The following LYRM4 variants were observed in gnomAD, a reference collection of about 807,000 sequenced individuals.
The protein encoded by LYRM4 is LYR motif containing 4.
In LYRM4, 9 loss-of-function variants were observed where a neutral mutation model predicts 11.7. The ratio of observed to expected loss-of-function variants is 0.77; its 90% confidence interval spans 0.46 to 1.34. The LOEUF is 1.34. Among genes scored for constraint, LYRM4 ranks in the 40% most tolerant of loss-of-function variants. The pLI is 0.00. For missense variants in LYRM4, 133 were observed against 112.5 expected (o/e 1.18, Z -0.82); for synonymous variants, 42 against 40.4 (o/e 1.04, Z -0.15).
At chr6:5,225,432 T>A (rs1208040148) in intron 1 of LYRM4, among the ~76,000 whole-genome samples, 3 of 152,164 alleles carry the variant, frequency 2.0e-5, no homozygotes, top group Non-Finnish European at 4.4e-5. Flanking sequence ...TTAAAATCTC[T>A]ACGTGTACAT....
rs545723473 is a variant in LYRM4 at position 5,116,718 on chromosome 6, T to A, written c.208-7227A>T. On this transcript the variant is annotated intron_variant, in intron 2 of 2. Coordinates refer to ENST00000330636, the MANE Select transcript of LYRM4 (RefSeq NM_020408.6). ...TTTTATTCTATTAAGTTTAGGGAGTTGGCATTAGAGTCCATTGGAAAAGTA... is the reference window on the plus strand; with the variant it reads ...TTTTATTCTATTAAGTTTAGGGAGTAGGCATTAGAGTCCATTGGAAAAGTA... Among the ~76,000 whole-genome samples, 35 of 152,332 alleles carry A rather than the reference T, an allele frequency of 2.3e-4. No homozygotes were observed. The East Asian group carries it at 6.7e-3, about 29-fold the overall frequency.
intron 1 of LYRM4, among the ~76,000 whole-genome samples, chr6:5,250,706 A>G (rs553038052): frequency 1.7e-4 from 24 of 143,340 alleles, no homozygotes; most frequent in African/African-American, 5.7e-4. Flanking sequence ...AAATCCAGTA[A>G]TATAAATTCA....
the LYRM4 span, among the ~76,000 whole-genome samples, chr6:5,067,762 C>A: frequency 6.6e-6 from 1 of 152,090 alleles, no homozygotes; most frequent in African/African-American, 2.4e-5. Context: ...AAATCTTAAT[C>A]GTTTTTAAGC....
chr6:5,050,589 A>G, the LYRM4 span, among the ~76,000 whole-genome samples: 1,197 of 152,238 alleles, frequency 7.9e-3, 17 homozygotes, highest in African/African-American at 0.027. Context: ...AAGAACTAGG[A>G]CATCAACAAC....
chr6:5,260,847 G>C lies in LYRM4; in HGVS notation c.-114C>G, dbSNP rs1398785802. On this transcript the variant is annotated 5_prime_UTR_variant, in exon 1 of 3. Transcript: ENST00000330636. ...CGAACGAAATAAAATGCTGCGGCTC[G>C]GCTTTGCCAGCGGGCCGGGCCTAAG... is the stretch of plus-strand genomic sequence containing the variant. 2 of 1,499,824 alleles carry C rather than the reference G, an allele frequency of 1.3e-6. No individual in the cohort carries two copies. The highest frequency in any genetic ancestry group is 2.8e-5 in the African/African-American group (2 of 71,162). 92.9% of individuals were successfully genotyped at this position (1,499,824 alleles called of 1,614,324 possible).
At chr6:5,176,295 C>T (rs199996687) in intron 2 of LYRM4, among the ~76,000 whole-genome samples, 5 of 152,046 alleles carry the variant, frequency 3.3e-5, no homozygotes, top group Non-Finnish European at 7.4e-5. Flanking sequence ...GAACTCCTGA[C>T]CTCATGATCC....
At chr6:5,144,520 C>T (rs1757592772) in intron 2 of LYRM4, among the ~76,000 whole-genome samples, 1 of 149,936 alleles carries the variant, frequency 6.7e-6, no homozygotes, top group Admixed American at 6.7e-5. Context: ...GCCCGCAGTC[C>T]CAGCTACTTG....
intron 2 of LYRM4, among the ~76,000 whole-genome samples, chr6:5,188,851 CCTTTGGGG>C (rs1760577714): frequency 6.6e-6 from 1 of 152,162 alleles, no homozygotes; most frequent in Non-Finnish European, 1.5e-5. Flanking sequence ...GCAGCCTTGA[CCTTTGGGG>C]CTCAAGGAAT....
the LYRM4 span, among the ~76,000 whole-genome samples, chr6:5,040,344 GATAGATAGATACATACATACATAC>G: frequency 4.1e-3 from 597 of 144,590 alleles, 3 homozygotes; most frequent in African/African-American, 0.014. Flanking sequence ...TAGATAGATA[GATAGATAGATACATACATACATAC>G]ATACATACAT....
At chr6:5,095,067 G>A in the LYRM4 span, among the ~76,000 whole-genome samples, 8 of 152,048 alleles carry the variant, frequency 5.3e-5, no homozygotes, top group African/African-American at 1.9e-4. Context: ...ACATGTACAG[G>A]TATCAAAATA....
chr6:5,073,556 A>G, the LYRM4 span, among the ~76,000 whole-genome samples: 3 of 148,154 alleles, frequency 2.0e-5, no homozygotes, highest in Non-Finnish European at 4.5e-5. Flanking sequence ...GATTATAAAT[A>G]CTATATTATA....
intron 2 of LYRM4, among the ~76,000 whole-genome samples, chr6:5,160,465 T>C (rs777426684): frequency 1.3e-5 from 2 of 152,152 alleles, no homozygotes; most frequent in Non-Finnish European, 2.9e-5. Flanking sequence ...TTTTCCGTGC[T>C]GTTCTTGTGG....
At chr6:5,195,869 T>C (rs926191094) in intron 2 of LYRM4, among the ~76,000 whole-genome samples, 16 of 152,190 alleles carry the variant, frequency 1.1e-4, no homozygotes, top group African/African-American at 3.6e-4. Context: ...TATCTATCAC[T>C]GTATCCCCAG....
intron 2 of LYRM4, among the ~76,000 whole-genome samples, chr6:5,140,812 G>T (rs187594705): frequency 6.6e-6 from 1 of 152,270 alleles, no homozygotes; most frequent in East Asian, 1.9e-4. Context: ...GAGGTAACAC[G>T]AACTGAAACC....
chr6:5,065,003 C>T, the LYRM4 span, among the ~76,000 whole-genome samples: 1 of 152,068 alleles, frequency 6.6e-6, no homozygotes, highest in South Asian at 2.1e-4. Flanking sequence ...GTTTCACTGC[C>T]CTAAAACCTC....
the LYRM4 span, among the ~76,000 whole-genome samples, chr6:5,094,555 G>A: frequency 1.3e-5 from 2 of 152,236 alleles, no homozygotes; most frequent in African/African-American, 4.8e-5. Flanking sequence ...TATTAGGGAT[G>A]ACTAACAGAT....
At chr6:5,199,795 G>A (rs1309354788) in intron 2 of LYRM4, among the ~76,000 whole-genome samples, 1 of 152,122 alleles carries the variant, frequency 6.6e-6, no homozygotes, top group Non-Finnish European at 1.5e-5. Flanking sequence ...AGGACATTTG[G>A]CCCAGGGTAT....
the LYRM4 span, among the ~76,000 whole-genome samples, chr6:5,047,900 T>G: frequency 6.6e-6 from 1 of 152,102 alleles, no homozygotes; most frequent in African/African-American, 2.4e-5. Flanking sequence ...GTGCCCTGGG[T>G]GGGGGTTATG....
At chr6:5,183,270 G>C (rs911436774) in intron 2 of LYRM4, among the ~76,000 whole-genome samples, 3 of 152,150 alleles carry the variant, frequency 2.0e-5, no homozygotes, top group Admixed American at 6.5e-5. Flanking sequence ...CAAATGAAAG[G>C]TTCCCTGTGC....
Sources: allele counts gnomAD v4.1 joint callset (sites outside exome capture counted in the v4.1 genomes callset), GRCh38; gene constraint gnomAD v4.1.1; transcripts MANE v1.5; gene names NCBI Gene and HGNC (gene_info 2026-07-23, HGNC 2026-07-21).